The following SETBP1 variants were observed in gnomAD, a reference collection of about 807,000 sequenced individuals.
SETBP1 encodes SET binding protein 1.
In SETBP1, 9 loss-of-function variants were observed where a neutral mutation model predicts 101.0. That is an observed-to-expected ratio of 0.09 (90% CI 0.05 to 0.16). SETBP1 has a LOEUF of 0.16. SETBP1 is among the 10% of genes least tolerant of loss of function. The pLI is 1.00. For synonymous variants in SETBP1, 818 were observed against 788.5 expected, an observed-to-expected ratio of 1.04 and a Z score of -0.63; for missense variants, 1,858 against 2,033.8, an observed-to-expected ratio of 0.91 and a Z score of 1.66.
intron 2 of SETBP1, among the ~76,000 whole-genome samples, chr18:44,754,841 CCT>C (rs561721686): frequency 1.1e-4 from 16 of 152,192 alleles, no homozygotes; most frequent in Non-Finnish European, 1.3e-4. Context: ...CGCTTAAAAT[CCT>C]CTCTCAGGAA....
At chr18:45,028,985 T>C (rs1416865647) in intron 4 of SETBP1, among the ~76,000 whole-genome samples, 1 of 152,262 alleles carries the variant, frequency 6.6e-6, no homozygotes, top group East Asian at 1.9e-4. Context: ...GCTAGTAGTT[T>C]CTTCTGCTGT....
intron 2 of SETBP1, among the ~76,000 whole-genome samples, chr18:44,844,954 G>A (rs1282155074): frequency 1.3e-5 from 2 of 152,236 alleles, no homozygotes; most frequent in Non-Finnish European, 2.9e-5. Context: ...TTGGGGCCAG[G>A]AGAGAGATTG....
At chr18:44,966,684 T>A (rs188738351) in intron 4 of SETBP1, among the ~76,000 whole-genome samples, 18 of 152,228 alleles carry the variant, frequency 1.2e-4, no homozygotes, top group Non-Finnish European at 2.6e-4. Context: ...CATCATTTCC[T>A]GACTTATGCT....
intron 2 of SETBP1, among the ~76,000 whole-genome samples, chr18:44,842,318 G>A (rs2072633059): frequency 6.6e-6 from 1 of 152,182 alleles, no homozygotes; most frequent in Non-Finnish European, 1.5e-5. Context: ...GAAGCACACA[G>A]GAGCAAATAG....
chr18:44,681,147 A>G (rs2068753304), intron 1 of SETBP1, 126 bp downstream of exon 1: 1 of 152,174 alleles, frequency 6.6e-6, no homozygotes, highest in Admixed American at 6.5e-5. Context: ...TTCCCTTAAA[A>G]GCAGACGAAT....
chr18:45,042,592 G>A (rs1029520802), intron 5 of SETBP1, among the ~76,000 whole-genome samples: 2 of 152,122 alleles, frequency 1.3e-5, no homozygotes, highest in African/African-American at 2.4e-5. Flanking sequence ...TTTTATAAAC[G>A]ATACAATATG....
chr18:44,799,752 C>A (rs1410650152), intron 2 of SETBP1, among the ~76,000 whole-genome samples: 1 of 152,128 alleles, frequency 6.6e-6, no homozygotes, highest in African/African-American at 2.4e-5. Flanking sequence ...ACACAGCTAG[C>A]CTGGGGTGAC....
At chr18:44,822,877 C>T (rs949477074) in intron 2 of SETBP1, among the ~76,000 whole-genome samples, 1 of 152,182 alleles carries the variant, frequency 6.6e-6, no homozygotes, top group Non-Finnish European at 1.5e-5. Context: ...ATTGGCTGGG[C>T]ACGGTGGCTC....
intron 1 of SETBP1, among the ~76,000 whole-genome samples, chr18:44,682,324 C>T (rs1007935008): frequency 2.0e-5 from 3 of 152,164 alleles, no homozygotes; most frequent in African/African-American, 7.2e-5. Flanking sequence ...GCCACATCTT[C>T]AACACTGGAC....
chr18:44,718,909 A>G (rs574904736), intron 2 of SETBP1, among the ~76,000 whole-genome samples: 1 of 152,224 alleles, frequency 6.6e-6, no homozygotes, highest in African/African-American at 2.4e-5. Context: ...CTTGTAATTG[A>G]CCGATTAATT....
chr18:44,706,663 TG>T (rs1367585377), intron 2 of SETBP1, among the ~76,000 whole-genome samples: 1 of 135,384 alleles, frequency 7.4e-6, no homozygotes, highest in Non-Finnish European at 1.5e-5. Context: ...GTTTCCAAGC[TG>T]GGCAAGGCTT....
intron 2 of SETBP1, among the ~76,000 whole-genome samples, chr18:44,789,902 G>A (rs138650702): frequency 6.6e-6 from 1 of 152,286 alleles, no homozygotes; most frequent in African/African-American, 2.4e-5. Context: ...GCCTGCCCGG[G>A]GCTGCTTTGC....
intron 3 of SETBP1, among the ~76,000 whole-genome samples, chr18:44,928,974 C>A (rs1175206075): frequency 6.6e-6 from 1 of 152,144 alleles, no homozygotes; most frequent in East Asian, 1.9e-4. Flanking sequence ...GTTGTTATTG[C>A]TCTTGGTGTT....
chr18:44,815,815 G>A (rs999214496), intron 2 of SETBP1, among the ~76,000 whole-genome samples: 1 of 152,192 alleles, frequency 6.6e-6, no homozygotes, highest in African/African-American at 2.4e-5. Context: ...ACAGCCTGAG[G>A]ACATATGGAT....
At position 44,950,176 on chromosome 18, in the gene SETBP1, A is replaced by C; in HGVS notation, c.836A>C (p.Asn279Thr). ...SAGNTWSQLS[N>T]NNKDLLLGGV... ...GGGAACACGTGGAGTCAGTTGTCTA[A>C]CAATAACAAAGATCTGCTCTTGGGA... Residue 279 changes from asparagine to threonine, a missense_variant, in exon 4 of 6, where the codon AAC (asparagine) becomes ACC (threonine). Physicochemically the swap from Asn to Thr is moderately conservative, Grantham distance 65. Around this residue, in one of 12 missense-constraint regions of SETBP1, gnomAD observed 581 missense variants for 535.1 expected, o/e 1.09. Coordinates refer to ENST00000649279, the MANE Select transcript of SETBP1 (RefSeq NM_015559.3). The C allele has an allele frequency of 6.2e-7, 1 of 1,613,930 alleles. No individual in the cohort carries two copies. Among genetic ancestry groups the C allele is most frequent in the Non-Finnish European group, 8.5e-7 (1 of 1,180,048 alleles).
At chr18:44,923,370 C>A (rs1599326251) in intron 3 of SETBP1, among the ~76,000 whole-genome samples, 1 of 152,264 alleles carries the variant, frequency 6.6e-6, no homozygotes, top group South Asian at 2.1e-4. Flanking sequence ...AACTAATGAA[C>A]AAACTGAAGT....
chr18:45,003,736 C>G (rs759426589), intron 4 of SETBP1, among the ~76,000 whole-genome samples: 75 of 150,104 alleles, frequency 5.0e-4, no homozygotes, highest in Non-Finnish European at 9.3e-4. Flanking sequence ...TTTTCTTTTC[C>G]TAAATCTTCA....
intron 5 of SETBP1, among the ~76,000 whole-genome samples, chr18:45,057,402 A>G (rs888594850): frequency 6.6e-6 from 1 of 152,158 alleles, no homozygotes; most frequent in South Asian, 2.1e-4. Flanking sequence ...CAGGATTTAC[A>G]TTAGAGAACA....
intron 2 of SETBP1, among the ~76,000 whole-genome samples, chr18:44,751,787 G>T (rs922414197): frequency 3.3e-5 from 5 of 152,286 alleles, no homozygotes; most frequent in African/African-American, 1.2e-4. Context: ...ATATACCATA[G>T]ACTGAGTGGC....
Sources: allele counts gnomAD v4.1 joint callset (sites outside exome capture counted in the v4.1 genomes callset), GRCh38; gene constraint gnomAD v4.1.1; regional missense constraint gnomAD v4.1.1; transcripts MANE v1.5; gene names NCBI Gene and HGNC (gene_info 2026-07-23, HGNC 2026-07-21).